Variants in HCN1 observed in about 807,000 individuals in gnomAD.
HCN1 encodes the protein potassium/sodium hyperpolarization-activated cyclic nucleotide-gated channel 1.
Under a neutral mutation model 78.9 loss-of-function variants are expected in HCN1, and 13 were observed. The ratio of observed to expected loss-of-function variants is 0.16; its 90% CI spans 0.11 to 0.26. HCN1 has a LOEUF of 0.26. HCN1 is among the 10% of genes least tolerant of loss of function. The probability of loss-of-function intolerance (pLI) is 1.00; values close to 1 mark genes in which losing one functional copy is unlikely to be tolerated. For missense variants in HCN1, 810 were observed against 1,154.3 expected (o/e 0.70, Z 4.32); for synonymous variants, 552 against 455.5 (o/e 1.21, Z -2.70).
Position 45,372,731 on chromosome 5 carries a change from T to C in HCN1, c.1231-19485A>G, listed in dbSNP as rs941260167. Reference sequence around the variant, plus strand: ...TTTATATATAAAAATATATACGTATTTATATAAAAATATATACGTATTCTA... The same window carrying C: ...TTTATATATAAAAATATATACGTATCTATATAAAAATATATACGTATTCTA... On this transcript the variant is annotated intron_variant, in intron 4 of 7. Transcript: ENST00000303230. Among the ~76,000 whole-genome samples, 4 of 143,062 alleles carry C rather than the reference T, an allele frequency of 2.8e-5. No homozygotes were observed. In the Admixed American group the frequency reaches 2.9e-4, roughly 10 times the overall value. The allele number at this position is 143,062 out of a possible 152,430, so 93.9% of individuals were successfully genotyped here. A position where few individuals can be genotyped will look rare whatever the true frequency, so the allele number is the denominator to read the frequency against.
chr5:45,596,033 C>T (rs182522474), intron 2 of HCN1, among the ~76,000 whole-genome samples: 1 of 151,778 alleles, frequency 6.6e-6, no homozygotes, highest in Non-Finnish European at 1.5e-5. Context: ...GTAGCTGGGA[C>T]TACAGGGGAC....
chr5:45,532,972 C>T (rs1742890050), intron 2 of HCN1, among the ~76,000 whole-genome samples: 1 of 152,064 alleles, frequency 6.6e-6, no homozygotes, highest in African/African-American at 2.4e-5. Flanking sequence ...GGCTGTGAGA[C>T]AAAGGAGGTG....
At chr5:45,426,368 TTC>T (rs1740346918) in intron 3 of HCN1, among the ~76,000 whole-genome samples, 1 of 152,160 alleles carries the variant, frequency 6.6e-6, no homozygotes, top group Non-Finnish European at 1.5e-5. Context: ...TATGGTTTGG[TTC>T]TGTGTCTCCA....
At chr5:45,330,209 C>T (rs899207112) in intron 5 of HCN1, among the ~76,000 whole-genome samples, 1 of 151,032 alleles carries the variant, frequency 6.6e-6, no homozygotes, top group African/African-American at 2.4e-5. Flanking sequence ...TTGTATGTTC[C>T]AAGATCCAAA....
rs775263903 is a variant in HCN1, at chr5:45,396,549, G to A, written c.1173C>T (p.Gly391=). 6.2e-7 allele frequency: 1 copy of A among 1,613,804 alleles called. No homozygotes were observed. Among genetic ancestry groups the A allele is most frequent in the South Asian group, 1.1e-5 (1 of 91,078 alleles). The change falls in exon 4 of 8, where the codon GGC becomes GGT. Residue 391 remains glycine (G), a synonymous_variant. Coordinates refer to ENST00000303230, the MANE Select transcript of HCN1 (RefSeq NM_021072.4). ...VGATCYAMFV[G]HATALIQSLD... ...GAGACTGGATTAAAGCGGTGGCATG[G>A]CCGACAAACATGGCATAGCAGGTGG...
chr5:45,493,139 T>C (rs1741928124), intron 2 of HCN1, among the ~76,000 whole-genome samples: 2 of 152,150 alleles, frequency 1.3e-5, no homozygotes, highest in Non-Finnish European at 1.5e-5. Flanking sequence ...ATGAGTTTAG[T>C]CTCAAAAACT....
intron 3 of HCN1, among the ~76,000 whole-genome samples, chr5:45,429,461 G>A (rs1452377090): frequency 6.6e-6 from 1 of 152,106 alleles, no homozygotes; most frequent in Non-Finnish European, 1.5e-5. Flanking sequence ...TGGGGCTAAT[G>A]GCTGGGGAGG....
At chr5:45,401,094 T>G (rs1228249434) in intron 3 of HCN1, among the ~76,000 whole-genome samples, 2 of 152,186 alleles carry the variant, frequency 1.3e-5, no homozygotes, top group Non-Finnish European at 2.9e-5. Flanking sequence ...TATCTTTTCT[T>G]TCTGTCAGTA....
At chr5:45,652,629 T>C (rs1045130169) in intron 1 of HCN1, among the ~76,000 whole-genome samples, 12 of 152,032 alleles carry the variant, frequency 7.9e-5, no homozygotes, top group Admixed American at 6.6e-5. Context: ...AATAACTATA[T>C]ATCCTGTATA....
intron 4 of HCN1, among the ~76,000 whole-genome samples, chr5:45,367,559 A>G (rs1747260838): frequency 6.6e-6 from 1 of 151,870 alleles, no homozygotes; most frequent in Admixed American, 6.6e-5. Flanking sequence ...ATTTCAGAAA[A>G]TCATTAATGG....
intron 4 of HCN1, among the ~76,000 whole-genome samples, chr5:45,393,472 A>C (rs1033747689): frequency 6.6e-6 from 1 of 152,176 alleles, no homozygotes; most frequent in Non-Finnish European, 1.5e-5. Flanking sequence ...CTAGAAAAGA[A>C]AGTGACCACT....
intron 4 of HCN1, among the ~76,000 whole-genome samples, chr5:45,357,434 C>G (rs1447488116): frequency 6.6e-6 from 1 of 151,994 alleles, no homozygotes; most frequent in East Asian, 1.9e-4. Context: ...CCTACATTTT[C>G]TCTATATTTC....
At chr5:45,391,503 C>T (rs1739560815) in intron 4 of HCN1, among the ~76,000 whole-genome samples, 1 of 152,052 alleles carries the variant, frequency 6.6e-6, no homozygotes, top group South Asian at 2.1e-4. Flanking sequence ...GGGCATTACT[C>T]CAAACTGTTC....
intron 1 of HCN1, among the ~76,000 whole-genome samples, chr5:45,665,327 T>C (rs555158681): frequency 7.7e-4 from 113 of 147,120 alleles, no homozygotes; most frequent in Non-Finnish European, 1.5e-3. Context: ...AGGGATAGCA[T>C]TAGGAGATAT....
intron 5 of HCN1, among the ~76,000 whole-genome samples, chr5:45,350,729 C>G (rs367549332): frequency 2.7e-5 from 4 of 150,706 alleles, no homozygotes; most frequent in Non-Finnish European, 5.9e-5. Flanking sequence ...TATACACCAA[C>G]AACAGACAAA....
At chr5:45,600,816 T>C (rs2111963524) in intron 2 of HCN1, among the ~76,000 whole-genome samples, 1 of 152,248 alleles carries the variant, frequency 6.6e-6, no homozygotes, top group South Asian at 2.1e-4. Context: ...CTAACTTCTA[T>C]ATGGGTTAGA....
At chr5:45,639,961 C>G (rs1212004635) in intron 2 of HCN1, among the ~76,000 whole-genome samples, 1 of 152,170 alleles carries the variant, frequency 6.6e-6, no homozygotes, top group Non-Finnish European at 1.5e-5. Flanking sequence ...ATCTACTGCA[C>G]TAGGCTGCTT....
intron 3 of HCN1, among the ~76,000 whole-genome samples, chr5:45,452,932 G>A (rs190997632): frequency 2.0e-4 from 31 of 151,982 alleles, no homozygotes; most frequent in South Asian, 2.1e-4. Context: ...CTTATATCCC[G>A]CATTTATCAC....
chr5:45,403,621 AC>A (rs1739865804), intron 3 of HCN1, among the ~76,000 whole-genome samples: 1 of 152,052 alleles, frequency 6.6e-6, no homozygotes, highest in Non-Finnish European at 1.5e-5. Context: ...ATCACCTCCC[AC>A]CGGGTTCCTC....
Sources: gnomAD v4.1 joint callset for allele counts (sites outside exome capture counted in the v4.1 genomes callset) on GRCh38, gnomAD v4.1.1 for gene constraint, MANE v1.5 for transcripts, NCBI Gene and HGNC (gene_info 2026-07-23, HGNC 2026-07-21) for gene names.